MOB3B: variants seen among roughly 807,000 people sequenced by gnomAD.
MOB3B encodes MOB kinase activator-like 2B.
In MOB3B, 7 loss-of-function variants were observed where a neutral mutation model predicts 18.7. The observed-to-expected ratio is 0.37, with a 90% CI of 0.21 to 0.70. The LOEUF is 0.70. MOB3B is among the 30% of genes least tolerant of loss of function. The pLI is 0.52. For synonymous variants in MOB3B, 111 were observed against 99.9 expected, an observed-to-expected ratio of 1.11 and a Z score of -0.66; for missense variants, 253 against 281.3, an observed-to-expected ratio of 0.90 and a Z score of 0.72.
At chr9:27,342,611 CG>C (rs1370351388) in intron 3 of MOB3B, among the ~76,000 whole-genome samples, 1 of 152,082 alleles carries the variant, frequency 6.6e-6, no homozygotes, top group African/African-American at 2.4e-5. Flanking sequence ...GGATTGCAGG[CG>C]CGCGCCGCCA....
At chr9:27,496,344 T>G (rs1052932271) in intron 1 of MOB3B, among the ~76,000 whole-genome samples, 1 of 152,176 alleles carries the variant, frequency 6.6e-6, no homozygotes, top group South Asian at 2.1e-4. Flanking sequence ...TGGACAGCAA[T>G]AGGAAGCACT....
At chr9:27,496,420 G>C (rs1372143154) in intron 1 of MOB3B, among the ~76,000 whole-genome samples, 1 of 152,170 alleles carries the variant, frequency 6.6e-6, no homozygotes, top group East Asian at 1.9e-4. Context: ...TATTCGATTG[G>C]TCAGTTCAGG....
chr9:27,470,406 G>T (rs1388992497), intron 1 of MOB3B, among the ~76,000 whole-genome samples: 2 of 152,110 alleles, frequency 1.3e-5, no homozygotes, highest in African/African-American at 4.8e-5. Context: ...CAACTCCCCA[G>T]ACCCCTAATG....
intron 2 of MOB3B, among the ~76,000 whole-genome samples, chr9:27,369,341 C>T (rs1382548387): frequency 6.6e-6 from 1 of 152,128 alleles, no homozygotes; most frequent in African/African-American, 2.4e-5. Flanking sequence ...CAATTAACAC[C>T]AAGTCTTGTC....
intron 2 of MOB3B, among the ~76,000 whole-genome samples, chr9:27,390,236 T>C (rs1821708509): frequency 6.6e-6 from 1 of 152,004 alleles, no homozygotes; most frequent in Non-Finnish European, 1.5e-5. Context: ...CACAGGTGTA[T>C]GCCACCACGC....
chr9:27,525,687 GA>G, intron 1 of MOB3B, among the ~76,000 whole-genome samples: 1 of 151,276 alleles, frequency 6.6e-6, no homozygotes, highest in East Asian at 2.0e-4. Flanking sequence ...TAAAGGCATG[GA>G]AAATGCTGTG....
chr9:27,331,527 C>T (rs527466491), intron 3 of MOB3B, among the ~76,000 whole-genome samples: 25 of 152,286 alleles, frequency 1.6e-4, no homozygotes, highest in African/African-American at 4.1e-4. Flanking sequence ...CTAGACTGGG[C>T]GCTACTAAGT....
chr9:27,397,869 T>C (rs1284086601), intron 2 of MOB3B, among the ~76,000 whole-genome samples: 1 of 152,170 alleles, frequency 6.6e-6, no homozygotes, highest in African/African-American at 2.4e-5. Context: ...TGTGAGAGAT[T>C]GTCCCATACA....
intron 1 of MOB3B, among the ~76,000 whole-genome samples, chr9:27,483,121 G>A (rs1212375243): frequency 1.4e-5 from 2 of 145,412 alleles, no homozygotes; most frequent in Admixed American, 7.1e-5. Context: ...ACAAATATAC[G>A]GTACTTTTTT....
chr9:27,404,418 C>T lies in MOB3B; in HGVS notation c.419-45182G>A, dbSNP rs377169428. 2.0e-4 allele frequency among the ~76,000 whole-genome samples: 25 copies of T among 124,866 alleles called. No individual in the cohort carries two copies. In the East Asian group the frequency reaches 2.6e-3, roughly 13 times the overall value. The allele number at this position is 124,866 out of a possible 152,430, so 81.9% of individuals were successfully genotyped here. On this transcript the variant is annotated intron_variant, in intron 2 of 3. Coordinates refer to ENST00000262244, the MANE Select transcript of MOB3B (RefSeq NM_024761.5). ...GTCACCAGGCTGGAGTGCAATGGTG[C>T]GATCTCAGCTCACTACAACCTCTTG...
intron 2 of MOB3B, among the ~76,000 whole-genome samples, chr9:27,429,189 C>T (rs1373911807): frequency 6.6e-6 from 1 of 152,186 alleles, no homozygotes; most frequent in African/African-American, 2.4e-5. Context: ...CACCCTATTA[C>T]ACCCACTTCA....
intron 1 of MOB3B, among the ~76,000 whole-genome samples, chr9:27,495,504 T>C (rs188938150): frequency 9.6e-4 from 146 of 152,304 alleles, no homozygotes; most frequent in African/African-American, 3.3e-3. Context: ...TTCCCATGCC[T>C]GTTCCACTAG....
At chr9:27,387,847 T>C (rs1273871509) in intron 2 of MOB3B, among the ~76,000 whole-genome samples, 1 of 152,136 alleles carries the variant, frequency 6.6e-6, no homozygotes, top group Admixed American at 6.5e-5. Context: ...GTACATTAAA[T>C]GGAGAAGAGA....
At chr9:27,404,760 C>T (rs1821940979) in intron 2 of MOB3B, among the ~76,000 whole-genome samples, 3 of 152,052 alleles carry the variant, frequency 2.0e-5, no homozygotes, top group South Asian at 4.2e-4. Flanking sequence ...ACTGATTTCC[C>T]TTCTTTTGGA....
intron 2 of MOB3B, among the ~76,000 whole-genome samples, chr9:27,390,108 C>T (rs181356930): frequency 2.6e-5 from 4 of 152,196 alleles, no homozygotes; most frequent in Admixed American, 6.5e-5. Flanking sequence ...GACGGAGTCT[C>T]GCTATGTTAC....
At chr9:27,480,439 A>T (rs1182204036) in intron 1 of MOB3B, among the ~76,000 whole-genome samples, 1 of 152,114 alleles carries the variant, frequency 6.6e-6, no homozygotes, top group Non-Finnish European at 1.5e-5. Context: ...AGCTGGGACT[A>T]CAGGCACCCG....
rs1428183505 is a variant in MOB3B, at chr9:27,326,487, T to C, written c.*4100A>G. 2.5e-5 allele frequency: 10 copies of C among 398,514 alleles called. No homozygotes were observed. The highest frequency in any genetic ancestry group is 1.3e-5 in the Non-Finnish European group (3 of 226,058). The allele number at this position is 398,514 out of a possible 1,614,324, so 24.7% of individuals were successfully genotyped here. A position where few individuals can be genotyped will look rare whatever the true frequency, so the allele number is the denominator to read the frequency against. ...TCAAAAAGAATACTTCAGCTCGAGT[T>C]GAATGGAATTCAAGATGTTGTGGAG... On this transcript the variant is annotated 3_prime_UTR_variant, in exon 4 of 4. Transcript: ENST00000262244.
intron 1 of MOB3B, among the ~76,000 whole-genome samples, chr9:27,490,197 TAA>T (rs1819794988): frequency 6.6e-6 from 1 of 152,162 alleles, no homozygotes; most frequent in Non-Finnish European, 1.5e-5. Context: ...ATGGGTGAAC[TAA>T]GGCTCATGCC....
At chr9:27,487,153 A>AAAAT (rs1200168399) in intron 1 of MOB3B, among the ~76,000 whole-genome samples, 1 of 22,844 alleles carries the variant, frequency 4.4e-5, no homozygotes, top group African/African-American at 6.6e-5. Flanking sequence ...ATAAATAAAT[A>AAAAT]AAATAAATAA....
Sources: gnomAD v4.1 joint callset for allele counts (sites outside exome capture counted in the v4.1 genomes callset) on GRCh38, gnomAD v4.1.1 for gene constraint, MANE v1.5 for transcripts, NCBI Gene and HGNC (gene_info 2026-07-23, HGNC 2026-07-21) for gene names.